The following ATP11A variants were observed in gnomAD, a reference collection of about 807,000 sequenced individuals.
ATP11A encodes phospholipid-transporting ATPase IH.
ATP11A carries 81 observed loss-of-function variants against 154.4 expected under a neutral mutation model. That is an observed-to-expected ratio of 0.52 (90% CI 0.44 to 0.63). The LOEUF (loss-of-function observed/expected upper bound fraction) is 0.63, where lower values mean the gene tolerates loss of function less well. ATP11A is among the 30% of genes least tolerant of loss of function. The pLI, the probability that ATP11A is intolerant of heterozygous loss-of-function variation, is 0.00. For synonymous variants in ATP11A, 623 were observed against 585.9 expected, an observed-to-expected ratio of 1.06 and a Z score of -0.91; for missense variants, 1,316 against 1,474.3, an observed-to-expected ratio of 0.89 and a Z score of 1.76.
At chr13:112,828,093 AG>A (rs2078979540) in intron 12 of ATP11A, among the ~76,000 whole-genome samples, 1 of 110,092 alleles carries the variant, frequency 9.1e-6, no homozygotes, top group African/African-American at 3.7e-5. Flanking sequence ...TGTGGGGGAA[AG>A]CGCCCAGCAG....
chr13:112,881,795 T>C (rs903154709), intron 29 of ATP11A, 81 bp from the exon 30 acceptor site: 4 of 1,365,120 alleles, frequency 2.9e-6, no homozygotes, highest in African/African-American at 3.0e-5. Context: ...AGACTGACCA[T>C]GTGTCTCGTT....
intron 25 of ATP11A, among the ~76,000 whole-genome samples, chr13:112,866,049 G>A (rs944264731): frequency 6.6e-6 from 1 of 152,176 alleles, no homozygotes; most frequent in Non-Finnish European, 1.5e-5. Flanking sequence ...TTTTCTAGCA[G>A]ACATTCACTC....
rs1429687354 is a variant in ATP11A at position 112,875,415 on chromosome 13, G to C, written c.3162-361G>C. 1.3e-5 allele frequency among the ~76,000 whole-genome samples: 2 copies of C among 151,960 alleles called. No homozygotes were observed. The highest frequency in any genetic ancestry group is 4.8e-5 in the African/African-American group (2 of 41,374). ...TGCTTGCTCTGTACTGACGACCAGT[G>C]CTCGGGACGTCCTTCCCATCCGAGA... On this transcript the variant is annotated intron_variant, in intron 27 of 29. Transcript: ENST00000375645. The surrounding 1 kb of genome is among the most constrained non-coding windows in gnomAD (Gnocchi z 4.1).
At position 112,831,440 on chromosome 13, in the gene ATP11A, C is replaced by T; in HGVS notation, c.1287C>T (p.Cys429=). Residue 429 remains cysteine (C), a synonymous_variant, in exon 13 of 30, where the codon TGC becomes TGT. Coordinates refer to ENST00000375645, the MANE Select transcript of ATP11A (RefSeq NM_015205.3). ...LTENNMEFKE[C]CIEGHVYVPH... ...AAAACAACATGGAGTTCAAGGAGTG[C>T]TGCATCGAAGGCCATGTCTACGTGC... is the stretch of plus-strand genomic sequence containing the variant. 1.2e-6 allele frequency: 2 copies of T among 1,614,200 alleles called. No individual in the cohort carries two copies. Among genetic ancestry groups the T allele is most frequent in the East Asian group, 2.2e-5 (1 of 44,890 alleles).
In ATP11A at chr13:112,857,812, T is replaced by C. The variant is rs1412583993; in HGVS notation, c.2419-6T>C. The C allele has an allele frequency of 2.5e-6, 4 of 1,610,530 alleles. No homozygotes were observed. The highest frequency in any genetic ancestry group is 3.4e-6 in the Non-Finnish European group (4 of 1,176,716). ...AAGATAAATTCCGCATTTCTTTCTT[T>C]TGCAGATTGTTAAATTAATCAAATT... On this transcript the variant is annotated splice_region_variant and splice_polypyrimidine_tract_variant and intron_variant, in intron 20 of 29. Transcript: ENST00000375645.
intron 2 of ATP11A, among the ~76,000 whole-genome samples, chr13:112,793,705 G>T (rs1349716185): frequency 6.6e-6 from 1 of 152,250 alleles, no homozygotes; most frequent in Non-Finnish European, 1.5e-5. Flanking sequence ...TGTCAGGTGG[G>T]CCCTGTGGTG....
In ATP11A at chr13:112,774,928, C is replaced by G. The variant is rs551744583; in HGVS notation, c.40-10207C>G. On this transcript the variant is annotated intron_variant, in intron 1 of 29. Transcript: ENST00000375645. ...TGTCTGAGCAGCTCCTCCCACCTTC[C>G]CCCGTCACGGGAGCCGCAGAGTTGC... Among the ~76,000 whole-genome samples the G allele has an allele frequency of 4.3e-3, 661 of 152,276 alleles. 5 individuals carry two copies. The highest frequency in any genetic ancestry group is 0.015 in the African/African-American group (622 of 41,576).
At chr13:112,819,677 C>T (rs77255514) in intron 7 of ATP11A, among the ~76,000 whole-genome samples, 6,700 of 152,232 alleles carry the variant, frequency 0.044, 197 homozygotes, top group South Asian at 0.073. Context: ...CTTTATTTTA[C>T]GGAAGACGTT....
chr13:112,778,447 G>A (rs2077400383), intron 1 of ATP11A, among the ~76,000 whole-genome samples: 1 of 152,252 alleles, frequency 6.6e-6, no homozygotes, highest in South Asian at 2.1e-4. Flanking sequence ...ATTCTAAGTT[G>A]AGGTAATTTG....
At chr13:112,761,993 A>G (rs1201428611) in intron 1 of ATP11A, among the ~76,000 whole-genome samples, 2 of 152,174 alleles carry the variant, frequency 1.3e-5, no homozygotes, top group Non-Finnish European at 2.9e-5. Flanking sequence ...TCCCTACTGG[A>G]GTCAACTGCC....
intron 18 of ATP11A, among the ~76,000 whole-genome samples, chr13:112,854,064 T>C (rs1245314968): frequency 1.3e-5 from 2 of 152,162 alleles, no homozygotes; most frequent in African/African-American, 2.4e-5. Flanking sequence ...TTTATCTCTC[T>C]GCTGTTAGGA....
intron 3 of ATP11A, among the ~76,000 whole-genome samples, chr13:112,805,340 C>A (rs1233242077): frequency 6.6e-6 from 1 of 152,188 alleles, no homozygotes; most frequent in African/African-American, 2.4e-5. Flanking sequence ...GACAAGTTCA[C>A]TGCCAAGCTA....
In ATP11A at chr13:112,854,614, G is replaced by T. The variant is rs2079870993; in HGVS notation, c.2243+84G>T. On this transcript the variant is annotated intron_variant, in intron 19 of 29. Coordinates refer to ENST00000375645, the MANE Select transcript of ATP11A (RefSeq NM_015205.3). ...GTGGCCTTCACCTGCAAGTCGGGGAGCCGCATTGTCTCTACTGGGAATTCG... is the reference window on the plus strand; with the variant it reads ...GTGGCCTTCACCTGCAAGTCGGGGATCCGCATTGTCTCTACTGGGAATTCG... 32 of 1,479,760 alleles carry T rather than the reference G, an allele frequency of 2.2e-5. No homozygotes were observed. The South Asian group carries it at 4.1e-4, about 19-fold the overall frequency. The allele number at this position is 1,479,760 out of a possible 1,614,324, so 91.7% of individuals were successfully genotyped here.
At chr13:112,784,698 A>G (rs1484262573) in intron 1 of ATP11A, among the ~76,000 whole-genome samples, 2 of 151,514 alleles carry the variant, frequency 1.3e-5, no homozygotes, top group Non-Finnish European at 2.9e-5. Flanking sequence ...AATTTTTTGT[A>G]TTTTTTAGTA....
intron 1 of ATP11A, among the ~76,000 whole-genome samples, chr13:112,768,890 A>G (rs1401101361): frequency 1.3e-5 from 2 of 152,200 alleles, no homozygotes; most frequent in Non-Finnish European, 2.9e-5. Flanking sequence ...GTTGCTGCTC[A>G]TTCTCATGCT....
intron 1 of ATP11A, among the ~76,000 whole-genome samples, chr13:112,710,435 C>T (rs1158298912): frequency 2.0e-5 from 3 of 152,174 alleles, no homozygotes; most frequent in African/African-American, 4.8e-5. Flanking sequence ...AGAAAACAAG[C>T]GCCCCAGGTT....
intron 27 of ATP11A, among the ~76,000 whole-genome samples, chr13:112,873,951 C>T (rs555211631): frequency 6.2e-4 from 95 of 152,246 alleles, no homozygotes; most frequent in African/African-American, 2.1e-3. Context: ...ACCAGGATTC[C>T]GCACCAGGGG....
chr13:112,750,780 T>C (rs2076672838), intron 1 of ATP11A, among the ~76,000 whole-genome samples: 1 of 152,256 alleles, frequency 6.6e-6, no homozygotes, highest in South Asian at 2.1e-4. Flanking sequence ...GGAAGCTGCC[T>C]GTTTGGGAGA....
At chr13:112,778,716 G>A (rs1403688382) in intron 1 of ATP11A, among the ~76,000 whole-genome samples, 3 of 144,970 alleles carry the variant, frequency 2.1e-5, no homozygotes, top group Non-Finnish European at 4.5e-5. Context: ...AGCCGCTGGA[G>A]TGAGTAGCCG....
Sources: gnomAD v4.1 joint callset for allele counts (sites outside exome capture counted in the v4.1 genomes callset) on GRCh38, gnomAD v4.1.1 for gene constraint, Gnocchi (gnomAD v3.1) non-coding constraint, MANE v1.5 for transcripts, NCBI Gene and HGNC (gene_info 2026-07-23, HGNC 2026-07-21) for gene names.